The following BBOF1 variants were observed in gnomAD, a reference collection of about 807,000 sequenced individuals.
BBOF1 encodes the protein basal body-orientation factor 1.
In BBOF1, 62 loss-of-function variants were observed where a neutral mutation model predicts 68.0. The observed-to-expected ratio is 0.91, with a 90% CI of 0.74 to 1.13. BBOF1 has a LOEUF of 1.13. Ranked by LOEUF, BBOF1 falls within the 50% of genes most tolerant of loss-of-function variation. The probability of loss-of-function intolerance (pLI) is 0.00; values close to 1 mark genes in which losing one functional copy is unlikely to be tolerated. For synonymous variants in BBOF1, 208 were observed against 198.8 expected, an observed-to-expected ratio of 1.05 and a Z score of -0.39; for missense variants, 534 against 600.1, an observed-to-expected ratio of 0.89 and a Z score of 1.15.
At chr14:74,037,412 G>A (rs1363779649) in intron 4 of BBOF1, among the ~76,000 whole-genome samples, 1 of 147,850 alleles carries the variant, frequency 6.8e-6, no homozygotes, top group African/African-American at 2.5e-5. Context: ...CTTATTTCAG[G>A]CTCCTGAGTA....
At chr14:74,056,793 C>T (rs1464230191) in intron 9 of BBOF1, 113 bp from the exon 10 acceptor site, 1 of 696,324 alleles carries the variant, frequency 1.4e-6, no homozygotes, top group East Asian at 2.8e-5. Flanking sequence ...CGTATACCTA[C>T]TATCACCCAC....
In BBOF1 at chr14:74,071,989, C is replaced by T. The variant is rs1426380373; in HGVS notation, n.1380-6207C>T. ...GCAATTTCTTTCTAGAGAGAAGACA[C>T]ACAAATAGAAATTAATGCAAGAATG... is the stretch of plus-strand genomic sequence containing the variant. On this transcript the variant is annotated intron_variant and non_coding_transcript_variant, in intron 9 of 12. Transcript: ENST00000492026. 3.7e-6 allele frequency: 6 copies of T among 1,611,584 alleles called. No individual in the cohort carries two copies. Among genetic ancestry groups the T allele is most frequent in the Non-Finnish European group, 5.1e-6 (6 of 1,177,794 alleles).
intron 9 of BBOF1, 35 bp downstream of exon 9, chr14:74,055,720 G>A: frequency 1.3e-6 from 2 of 1,495,722 alleles, no homozygotes; most frequent in Non-Finnish European, 1.9e-6. Flanking sequence ...ATACCAAGTT[G>A]TTATCAAATC....
intron 3 of BBOF1, among the ~76,000 whole-genome samples, chr14:74,032,827 CT>C (rs1045930043): frequency 2.6e-5 from 4 of 152,028 alleles, no homozygotes; most frequent in South Asian, 4.2e-4. Flanking sequence ...CTAGATTGGA[CT>C]TTTTTTTCAC....
At chr14:74,052,132 C>T (rs772384430) in intron 8 of BBOF1, among the ~76,000 whole-genome samples, 1 of 151,384 alleles carries the variant, frequency 6.6e-6, no homozygotes, top group Non-Finnish European at 1.5e-5. Flanking sequence ...AAGTTGAGTC[C>T]CTACCATATA....
intron 2 of BBOF1, among the ~76,000 whole-genome samples, chr14:74,025,241 T>C (rs2059397849): frequency 6.6e-6 from 1 of 152,220 alleles, no homozygotes; most frequent in Non-Finnish European, 1.5e-5. Flanking sequence ...TCTACATCAG[T>C]ATCACTTGTA....
chr14:74,076,280 A>G (rs576005222), intron 9 of BBOF1, among the ~76,000 whole-genome samples: 5 of 152,216 alleles, frequency 3.3e-5, no homozygotes, highest in Non-Finnish European at 5.9e-5. Context: ...TATTTGATGG[A>G]GTAAAATCAG....
At chr14:74,041,180 G>C (rs897934246) in intron 5 of BBOF1, among the ~76,000 whole-genome samples, 17 of 152,148 alleles carry the variant, frequency 1.1e-4, no homozygotes, top group African/African-American at 3.9e-4. Context: ...GCACATGCCT[G>C]TAGTCCCAGC....
chr14:74,023,291 A>G, intron 2 of BBOF1, 147 bp downstream of exon 2: 1 of 506,530 alleles, frequency 2.0e-6, no homozygotes, highest in Non-Finnish European at 3.6e-6. Context: ...TTGAAGCAAG[A>G]CACTTTTTCA....
At chr14:74,022,502 C>T (rs760342526) in intron 1 of BBOF1, among the ~76,000 whole-genome samples, 8 of 152,058 alleles carry the variant, frequency 5.3e-5, no homozygotes, top group Non-Finnish European at 8.8e-5. Flanking sequence ...GAGCCGAGAT[C>T]GTGCTACTGC....
intron 11 of BBOF1, among the ~76,000 whole-genome samples, chr14:74,061,049 C>T (rs2060328618): frequency 6.6e-6 from 1 of 152,084 alleles, no homozygotes; most frequent in African/African-American, 2.4e-5. Context: ...ATGATCTCAG[C>T]TCACTGCAAC....
At chr14:74,040,816 A>C in intron 5 of BBOF1, 171 bp downstream of exon 5, 3 of 548,164 alleles carry the variant, frequency 5.5e-6, no homozygotes, top group South Asian at 2.7e-5. Context: ...TAGAAATCTC[A>C]ATATCTAGTC....
chr14:74,078,276 G>A (rs761787368), exon 10 of BBOF1: 52 of 455,654 alleles, frequency 1.1e-4, no homozygotes, highest in African/African-American at 9.4e-4. Flanking sequence ...TAATGGAGAA[G>A]GTAGCCAGCA....
At chr14:74,047,516 C>T (rs1276486724) in intron 6 of BBOF1, among the ~76,000 whole-genome samples, 1 of 151,940 alleles carries the variant, frequency 6.6e-6, no homozygotes, top group Admixed American at 6.6e-5. Context: ...CTGCTGTAGC[C>T]TTGACTTCTT....
At chr14:74,055,470 A>T in intron 8 of BBOF1, 114 bp from the exon 9 acceptor site, 1 of 728,414 alleles carries the variant, frequency 1.4e-6, no homozygotes, top group South Asian at 1.8e-5. Flanking sequence ...CATAATATTC[A>T]ATTATGGTGT....
At chr14:74,078,018 A>G (rs1013669648) in intron 9 of BBOF1, among the ~76,000 whole-genome samples, 1 of 152,136 alleles carries the variant, frequency 6.6e-6, no homozygotes, top group African/African-American at 2.4e-5. Context: ...AGGCAGGAGG[A>G]TCTCTTGAGC....
chr14:74,033,460 G>A (rs1336880526), intron 3 of BBOF1, among the ~76,000 whole-genome samples: 7 of 152,004 alleles, frequency 4.6e-5, no homozygotes, highest in Non-Finnish European at 1.0e-4. Flanking sequence ...TCCCAGCTAC[G>A]CGGGAGGCTG....
Position 74,029,188 on chromosome 14 carries a change from A to T in BBOF1, c.290A>T (p.Glu97Val). 6.4e-7 allele frequency: 1 copy of T among 1,555,458 alleles called. No homozygotes were observed. Among genetic ancestry groups the T allele is most frequent in the Non-Finnish European group, 8.7e-7 (1 of 1,146,762 alleles). ...CTGTATTTTGATTTTCAACAGATTG[A>T]AAAACTGAAACAGCAATTAAATGAA... ...KQDQEKDNMI[E>V]KLKQQLNETK... is the part of the protein sequence containing the mutation. The change falls in exon 3 of 12, where the codon GAA becomes GTA. Residue 97 changes from glutamate (E) to valine (V), a missense_variant. By Grantham distance (121) the Glu-to-Val change is moderately radical. Transcript: ENST00000394009.
downstream of BBOF1, among the ~76,000 whole-genome samples, chr14:74,067,833 G>A (rs2060491944): frequency 6.6e-6 from 1 of 152,020 alleles, no homozygotes; most frequent in Admixed American, 6.6e-5. Context: ...GCTGAGGTAG[G>A]GGGACCACTT....
Sources: gnomAD v4.1 joint callset for allele counts (sites outside exome capture counted in the v4.1 genomes callset) on GRCh38, gnomAD v4.1.1 for gene constraint, MANE v1.5 for transcripts, NCBI Gene and HGNC (gene_info 2026-07-23, HGNC 2026-07-21) for gene names.